Variants in SMYD1 observed in about 807,000 individuals in gnomAD.
SMYD1 encodes SET and MYND domain containing 1, also known as histone-lysine N-methyltransferase SMYD1.
Under a neutral mutation model 54.0 loss-of-function variants are expected in SMYD1, and 49 were observed. The ratio of observed to expected loss-of-function variants is 0.91; its 90% CI spans 0.72 to 1.15. The LOEUF is 1.15. SMYD1 is among the 50% of genes most tolerant of loss of function. The pLI, the probability that SMYD1 is intolerant of heterozygous loss-of-function variation, is 0.00. For synonymous variants in SMYD1, 269 were observed against 234.2 expected, an observed-to-expected ratio of 1.15 and a Z score of -1.36; for missense variants, 653 against 639.6, an observed-to-expected ratio of 1.02 and a Z score of -0.23.
At chr2:88,092,026 G>C (rs903268288) in intron 4 of SMYD1, among the ~76,000 whole-genome samples, 7 of 152,212 alleles carry the variant, frequency 4.6e-5, no homozygotes, top group African/African-American at 1.7e-4. Flanking sequence ...GTGAGAGCTG[G>C]ACCCGGGATA....
intron 3 of SMYD1, 84 bp from the exon 4 acceptor site, chr2:88,090,928 T>C (rs546223583): frequency 1.3e-6 from 2 of 1,487,286 alleles, no homozygotes; most frequent in Non-Finnish European, 1.8e-6. Flanking sequence ...CTGGGTCTTC[T>C]GTTTTTTAAA....
Position 88,096,769 on chromosome 2 carries a change from G to A in SMYD1, c.873G>A (p.Val291=). ...KKLKDDLFLG[V]KDNPKPSQEV... is the part of the protein sequence containing the mutation. ...TGAAGGATGACCTCTTCCTGGGGGT[G>A]AAAGACAACCCCAAGGTACACACAG... Residue 291 remains valine (V), a synonymous_variant, in exon 6 of 10, where the codon GTG becomes GTA. Coordinates refer to ENST00000419482, the MANE Select transcript of SMYD1 (RefSeq NM_198274.4). 6.2e-7 allele frequency: 1 copy of A among 1,613,490 alleles called. No individual in the cohort carries two copies. Among genetic ancestry groups the A allele is most frequent in the Non-Finnish European group, 8.5e-7 (1 of 1,179,736 alleles).
chr2:88,105,193 C>A (rs749929929), intron 7 of SMYD1, among the ~76,000 whole-genome samples: 4 of 152,164 alleles, frequency 2.6e-5, no homozygotes, highest in Non-Finnish European at 4.4e-5. Flanking sequence ...GAAGCTGCGG[C>A]TCAACTGCTT....
chr2:88,094,623 T>C (rs1674536113), intron 5 of SMYD1, among the ~76,000 whole-genome samples: 1 of 152,236 alleles, frequency 6.6e-6, no homozygotes, highest in Admixed American at 6.5e-5. Flanking sequence ...CATCTTTTCA[T>C]ATTTAAGTGA....
intron 5 of SMYD1, among the ~76,000 whole-genome samples, chr2:88,094,821 C>T (rs573221286): frequency 6.6e-6 from 1 of 152,156 alleles, no homozygotes; most frequent in Admixed American, 6.5e-5. Context: ...AAAAGGGACT[C>T]GTGGGGGCAG....
intron 1 of SMYD1, among the ~76,000 whole-genome samples, chr2:88,078,117 G>A (rs1348339795): frequency 2.0e-5 from 3 of 152,286 alleles, no homozygotes; most frequent in East Asian, 3.9e-4. Context: ...TGCCTGGAAT[G>A]AGCTGGTGCT....
chr2:88,107,146 A>G (rs1674895950), intron 8 of SMYD1, among the ~76,000 whole-genome samples: 1 of 152,056 alleles, frequency 6.6e-6, no homozygotes, highest in Admixed American at 6.5e-5. Context: ...GCTTGCAGTG[A>G]GCCTAGACTG....
chr2:88,080,822 G>A (rs557089361), intron 1 of SMYD1, among the ~76,000 whole-genome samples: 1 of 152,162 alleles, frequency 6.6e-6, no homozygotes, highest in Non-Finnish European at 1.5e-5. Flanking sequence ...AAAACCATCA[G>A]TTAGGGATAA....
chr2:88,081,026 C>T (rs935551377), intron 1 of SMYD1, among the ~76,000 whole-genome samples: 3 of 152,090 alleles, frequency 2.0e-5, no homozygotes, highest in South Asian at 2.1e-4. Context: ...CCTCAGCCTC[C>T]GGAGTAGCTG....
chr2:88,076,996 A>C (rs1351204831), intron 1 of SMYD1, among the ~76,000 whole-genome samples: 11 of 149,822 alleles, frequency 7.3e-5, no homozygotes, highest in Admixed American at 4.6e-4. Context: ...TGGAGGACAG[A>C]GAAAGACCCT....
intron 6 of SMYD1, 89 bp downstream of exon 6, chr2:88,096,873 C>T (rs761493882): frequency 2.3e-6 from 3 of 1,330,178 alleles, no homozygotes; most frequent in African/African-American, 1.5e-5. Flanking sequence ...GTGTGCCCTG[C>T]CCATGAGCTT....
rs1674371940 is a variant in SMYD1 at position 88,087,902 on chromosome 2, AC to A, written c.357del (p.Leu121SerfsTer56). Reference protein sequence around the residue: ...RIMWRVEREGTGLTEGCLVSV... With the variant: ...RIMWRVEREGXGLTEGCLVSV... The stretch of plus-strand genomic sequence containing the variant: ...CATGTGGCGGGTGGAGAGAGAAGGC[AC>A]CGGGCTCACGGAGGGCTGCCTGGTG... On this transcript the variant is annotated frameshift_variant, in exon 3 of 10. Transcript: ENST00000419482. LOFTEE classifies it high-confidence loss of function. 6.2e-7 allele frequency: 1 copy of A among 1,607,956 alleles called. No individual in the cohort carries two copies. Among genetic ancestry groups the A allele is most frequent in the Non-Finnish European group, 8.5e-7 (1 of 1,176,754 alleles).
chr2:88,092,142 C>T (rs1674476556), intron 4 of SMYD1, among the ~76,000 whole-genome samples: 1 of 152,114 alleles, frequency 6.6e-6, no homozygotes, highest in African/African-American at 2.4e-5. Flanking sequence ...GATAGTCCAA[C>T]CCCTCATTCC....
chr2:88,102,418 A>G (rs1388871657), intron 6 of SMYD1, among the ~76,000 whole-genome samples: 1 of 152,184 alleles, frequency 6.6e-6, no homozygotes, highest in Non-Finnish European at 1.5e-5. Flanking sequence ...AATAATCCTA[A>G]TGAGTCTAGA....
Position 88,091,865 on chromosome 2 carries a change from A to AAAACC in SMYD1, c.659+743_659+747dup, listed in dbSNP as rs543671037. On this transcript the variant is annotated intron_variant, in intron 4 of 9. Coordinates refer to ENST00000419482, the MANE Select transcript of SMYD1 (RefSeq NM_198274.4). ...GGTGACAAAGTGAGACCTTGTCTCT[A>AAAACC]AAACCAAACCAAACCAAACCAAACA... is the stretch of plus-strand genomic sequence containing the variant. Among the ~76,000 whole-genome samples, 13 of 152,230 alleles carry AAAACC rather than the reference A, an allele frequency of 8.5e-5. No homozygotes were observed. The South Asian group carries it at 2.7e-3, about 32-fold the overall frequency.
At chr2:88,106,232 A>G in intron 7 of SMYD1, 93 bp from the exon 8 acceptor site, 2 of 1,506,958 alleles carry the variant, frequency 1.3e-6, no homozygotes, top group Non-Finnish European at 1.8e-6. Context: ...CTTAAAAAGA[A>G]TGATTGTCTG....
intron 1 of SMYD1, among the ~76,000 whole-genome samples, chr2:88,070,513 A>G (rs1347667549): frequency 1.3e-5 from 2 of 152,060 alleles, no homozygotes; most frequent in Admixed American, 1.3e-4. Context: ...CATATATTAT[A>G]TAAAGCATAG....
chr2:88,087,937 C>G lies in SMYD1; in HGVS notation c.390C>G (p.Asp130Glu), dbSNP rs771497079. The G allele has an allele frequency of 2.7e-5, 43 of 1,613,770 alleles. No individual in the cohort carries two copies. The highest frequency in any genetic ancestry group is 3.6e-5 in the Non-Finnish European group (43 of 1,179,900). The change falls in exon 3 of 10, where the codon GAC (aspartate) becomes GAG (glutamate). Residue 130 changes from aspartate to glutamate, a missense_variant. Asp to Glu is a conservative substitution (Grantham distance 45). Coordinates refer to ENST00000419482, the MANE Select transcript of SMYD1 (RefSeq NM_198274.4). Reference sequence around the variant, plus strand: ...CGGAGGGCTGCCTGGTGTCCGTGGACGACTTGCAGAACCACGTGGAGCACT... The same window carrying G: ...CGGAGGGCTGCCTGGTGTCCGTGGAGGACTTGCAGAACCACGTGGAGCACT... ...GLTEGCLVSVDDLQNHVEHFG... is the reference protein window; with the variant it reads ...GLTEGCLVSVEDLQNHVEHFG...
rs1229942803 is a variant in SMYD1 at position 88,091,072 on chromosome 2, A to G, written c.589A>G (p.Ile197Val). 2 of 1,614,148 alleles carry G rather than the reference A, an allele frequency of 1.2e-6. No individual in the cohort carries two copies. The highest frequency in any genetic ancestry group is 1.3e-5 in the African/African-American group (1 of 75,036). ...AGGCCTGCAGGCCGTGGGCGTAGGC[A>G]TCTTCCCCAACCTGGGCCTGGTGAA... is the stretch of plus-strand genomic sequence containing the variant. ...QRGLQAVGVG[I>V]FPNLGLVNHD... The change falls in exon 4 of 10, where the codon ATC becomes GTC. Residue 197 changes from isoleucine (I) to valine (V), a missense_variant. By Grantham distance (29) the Ile-to-Val change is conservative. Transcript: ENST00000419482.
Sources: allele counts gnomAD v4.1 joint callset (sites outside exome capture counted in the v4.1 genomes callset), GRCh38; gene constraint gnomAD v4.1.1; transcripts MANE v1.5; gene names NCBI Gene and HGNC (gene_info 2026-07-23, HGNC 2026-07-21).